Variants in COL22A1 observed in about 807,000 individuals in gnomAD.
COL22A1 encodes collagen type XXII alpha 1 chain.
COL22A1 carries 221 observed loss-of-function variants against 248.9 expected under a neutral mutation model. That is an observed-to-expected ratio of 0.89 (90% confidence interval 0.80 to 0.99). COL22A1 has a LOEUF of 0.99. COL22A1 is among the 50% of genes least tolerant of loss of function. COL22A1 has a pLI of 0.00. For missense variants in COL22A1, 2,240 were observed against 2,179.0 expected, an observed-to-expected ratio of 1.03 and a Z score of -0.56; for synonymous variants, 891 against 793.4, an observed-to-expected ratio of 1.12 and a Z score of -2.07.
intron 19 of COL22A1, 22 bp from the exon 20 acceptor site, chr8:138,755,533 A>G: frequency 5.0e-6 from 8 of 1,613,934 alleles, no homozygotes; most frequent in Non-Finnish European, 6.8e-6. Flanking sequence ...AGCAAGCATT[A>G]GCAAAGGTGC....
chr8:138,797,236 C>A (rs1267777670), intron 11 of COL22A1, among the ~76,000 whole-genome samples: 1 of 152,180 alleles, frequency 6.6e-6, no homozygotes, highest in African/African-American at 2.4e-5. Flanking sequence ...CAACCCATAT[C>A]TATTAGCAAT....
Position 138,588,974 on chromosome 8 carries a change from T to A in COL22A1, c.*279A>T, listed in dbSNP as rs1816812942. 3.5e-6 allele frequency: 1 copy of A among 284,042 alleles called. No homozygotes were observed. The highest frequency in any genetic ancestry group is 6.4e-6 in the Non-Finnish European group (1 of 155,454). 17.6% of individuals were successfully genotyped at this position (284,042 alleles called of 1,614,324 possible). Reference sequence around the variant, plus strand: ...GCCCCACGAATCAAGTTTTCCCAACTTTAAAGGAGTGGAAAAGAACTCACA... The same window carrying A: ...GCCCCACGAATCAAGTTTTCCCAACATTAAAGGAGTGGAAAAGAACTCACA... On this transcript the variant is annotated 3_prime_UTR_variant, in exon 65 of 65. Transcript: ENST00000303045.
chr8:138,821,526 G>A (rs1819131593), intron 6 of COL22A1, 115 bp from the exon 7 acceptor site: 1 of 1,068,606 alleles, frequency 9.4e-7, no homozygotes, highest in South Asian at 1.5e-5. Flanking sequence ...TCCTGGCTGT[G>A]ACTCTTACCA....
At chr8:138,726,498 CA>C (rs371982028) in intron 23 of COL22A1, among the ~76,000 whole-genome samples, 166 of 95,586 alleles carry the variant, frequency 1.7e-3, no homozygotes, top group Admixed American at 3.2e-3. Flanking sequence ...CCTGTATCTA[CA>C]AAAAAAAAAA....
In COL22A1 at chr8:138,598,582, T is replaced by C. The variant is rs371833763; in HGVS notation, c.4365+137A>G. 7 of 769,928 alleles carry C rather than the reference T, an allele frequency of 9.1e-6. No individual in the cohort carries two copies. The African/African-American group carries it at 1.1e-4, about 12-fold the overall frequency. 47.7% of individuals were successfully genotyped at this position (769,928 alleles called of 1,614,324 possible). A position where few individuals can be genotyped will look rare whatever the true frequency, so the allele number is the denominator to read the frequency against. The stretch of plus-strand genomic sequence containing the variant: ...GAACGGCAGATTCAGAGAGGAAAAG[T>C]AGCCTGCCCCAGGTCATACCTTCAG... On this transcript the variant is annotated intron_variant, in intron 61 of 64. Transcript: ENST00000303045.
At chr8:138,726,549 T>C (rs1204454042) in intron 23 of COL22A1, among the ~76,000 whole-genome samples, 3 of 149,598 alleles carry the variant, frequency 2.0e-5, no homozygotes, top group African/African-American at 7.4e-5. Context: ...ACTAAACCTA[T>C]GAGCACAGAT....
intron 48 of COL22A1, among the ~76,000 whole-genome samples, chr8:138,635,609 C>T (rs934802060): frequency 2.6e-5 from 4 of 151,850 alleles, no homozygotes; most frequent in African/African-American, 9.7e-5. Context: ...ATAGAATGAG[C>T]TGAAAAAGTT....
chr8:138,712,178 A>C (rs1223706874), intron 30 of COL22A1, among the ~76,000 whole-genome samples: 4 of 152,180 alleles, frequency 2.6e-5, no homozygotes, highest in African/African-American at 9.7e-5. Flanking sequence ...GGACTGGCAA[A>C]CCAAGGCACA....
rs147758389 is a variant in COL22A1 at position 138,597,856 on chromosome 8, C to T, written c.4365+863G>A. Among the ~76,000 whole-genome samples the T allele has an allele frequency of 7.9e-5, 12 of 152,292 alleles. No individual in the cohort carries two copies. In the East Asian group the frequency reaches 2.1e-3, roughly 27 times the overall value. ...GGCTTTGGAAGTCAGCTGAGTGCTC[C>T]AGCCTCTCCACTGACTTGGCCAAGA... is the stretch of plus-strand genomic sequence containing the variant. On this transcript the variant is annotated intron_variant, in intron 61 of 64. Coordinates refer to ENST00000303045, the MANE Select transcript of COL22A1 (RefSeq NM_152888.3).
rs557550959 is a variant in COL22A1, at chr8:138,849,503, C to T, written c.659-5345G>A. Among the ~76,000 whole-genome samples, 6 of 152,276 alleles carry T rather than the reference C, an allele frequency of 3.9e-5. No homozygotes were observed. In the South Asian group the frequency reaches 6.2e-4, roughly 16 times the overall value. On this transcript the variant is annotated intron_variant, in intron 3 of 64. Transcript: ENST00000303045. ...AGGCCACACAGCTTGCAGGTGGCAA[C>T]GTCAGCATGATGGCTTCAGCACCCA...
At chr8:138,736,782 C>T (rs1387381327) in intron 23 of COL22A1, among the ~76,000 whole-genome samples, 1 of 152,118 alleles carries the variant, frequency 6.6e-6, no homozygotes, top group East Asian at 1.9e-4. Context: ...GAGAACAGCA[C>T]CTGCCTAGGA....
chr8:138,595,176 GTTGATCAC>G (rs1817420965), intron 62 of COL22A1, among the ~76,000 whole-genome samples: 1 of 152,130 alleles, frequency 6.6e-6, no homozygotes, highest in African/African-American at 2.4e-5. Flanking sequence ...TGACTGCCTG[GTTGATCAC>G]TTCCCAGAGT....
At chr8:138,877,138 G>A (rs934615853) in intron 3 of COL22A1, among the ~76,000 whole-genome samples, 2 of 151,486 alleles carry the variant, frequency 1.3e-5, no homozygotes, top group Non-Finnish European at 2.9e-5. Flanking sequence ...ACAATCAACA[G>A]ATTCCAGACA....
intron 57 of COL22A1, among the ~76,000 whole-genome samples, chr8:138,607,410 C>G (rs1477759958): frequency 6.6e-6 from 1 of 152,180 alleles, no homozygotes; most frequent in East Asian, 1.9e-4. Flanking sequence ...CCTACCAGGA[C>G]TGAACCCCAA....
chr8:138,653,922 G>T (rs538864585), intron 45 of COL22A1, among the ~76,000 whole-genome samples: 1 of 152,306 alleles, frequency 6.6e-6, no homozygotes, highest in Admixed American at 6.5e-5. Context: ...TCCAGGCAAA[G>T]CTCAGCTCTG....
chr8:138,748,713 G>C (rs555105539), intron 22 of COL22A1, among the ~76,000 whole-genome samples: 1 of 152,190 alleles, frequency 6.6e-6, no homozygotes, highest in Non-Finnish European at 1.5e-5. Context: ...AATTTCCAAG[G>C]CCTGTGGGTT....
At chr8:138,892,260 A>T in intron 1 of COL22A1, among the ~76,000 whole-genome samples, 1 of 152,238 alleles carries the variant, frequency 6.6e-6, no homozygotes. Flanking sequence ...ATGTTTACTG[A>T]GTGAGGAAGC....
chr8:138,889,798 C>T lies in COL22A1; in HGVS notation c.-72-6554G>A, dbSNP rs558234397. On this transcript the variant is annotated intron_variant, in intron 1 of 64. Transcript: ENST00000303045. ...GCGGGAAATAAAATGGATCATCCAT[C>T]GTTGTTCAGTATTTTCCCAGGCTCT... Among the ~76,000 whole-genome samples the T allele has an allele frequency of 3.3e-5, 5 of 152,268 alleles. No homozygotes were observed. In the South Asian group the frequency reaches 6.2e-4, roughly 19 times the overall value.
At chr8:138,637,284 C>G (rs1821271353) in intron 47 of COL22A1, among the ~76,000 whole-genome samples, 1 of 152,116 alleles carries the variant, frequency 6.6e-6, no homozygotes, top group South Asian at 2.1e-4. Flanking sequence ...CCTTGCAGAA[C>G]AGGTGTGAGG....
Sources: allele counts gnomAD v4.1 joint callset (sites outside exome capture counted in the v4.1 genomes callset), GRCh38; gene constraint gnomAD v4.1.1; transcripts MANE v1.5; gene names NCBI Gene and HGNC (gene_info 2026-07-23, HGNC 2026-07-21).